Variants in TECTA observed in about 807,000 individuals in gnomAD.
TECTA encodes the protein alpha-tectorin.
Under a neutral mutation model 216.8 loss-of-function variants are expected in TECTA, and 128 were observed. The observed-to-expected ratio is 0.59, with a 90% CI of 0.51 to 0.68. The LOEUF (loss-of-function observed/expected upper bound fraction) is 0.68. Ranked by LOEUF, TECTA falls within the 30% of genes least tolerant of loss-of-function variation. The probability of loss-of-function intolerance (pLI) is 0.00; values close to 1 mark genes in which losing one functional copy is unlikely to be tolerated. For synonymous variants in TECTA, 1,089 were observed against 1,117.1 expected, an observed-to-expected ratio of 0.97 and a Z score of 0.50; for missense variants, 2,551 against 2,786.2, an observed-to-expected ratio of 0.92 and a Z score of 1.90.
In TECTA at chr11:121,190,034, G is replaced by C. The variant is rs894093344; in HGVS notation, c.6367+154G>C. 9 of 676,516 alleles carry C rather than the reference G, an allele frequency of 1.3e-5. No homozygotes were observed. The African/African-American group carries it at 1.6e-4, about 12-fold the overall frequency. 41.9% of individuals were successfully genotyped at this position (676,516 alleles called of 1,614,324 possible). A position where few individuals can be genotyped will look rare whatever the true frequency, so the allele number is the denominator to read the frequency against. ...AGGAAAGATGGGGAACATGCCCAAG[G>C]AATTCTAGGGCCATTAAACAAACAA... is the stretch of plus-strand genomic sequence containing the variant. On this transcript the variant is annotated intron_variant, in intron 23 of 23. Coordinates refer to ENST00000392793, the MANE Select transcript of TECTA (RefSeq NM_005422.4).
At position 121,138,014 on chromosome 11, in the gene TECTA, A is replaced by G; in HGVS notation, c.3535A>G (p.Thr1179Ala). ...SIVIHRAYKHTVLVNSERLYL... is the reference protein window; with the variant it reads ...SIVIHRAYKHAVLVNSERLYL... ...CGTGATCCACCGAGCTTACAAGCACACTGTGCTGGTGAGTAGTCATGAGGT... is the reference window on the plus strand; with the variant it reads ...CGTGATCCACCGAGCTTACAAGCACGCTGTGCTGGTGAGTAGTCATGAGGT... The change falls in exon 11 of 24, where the codon ACT (threonine) becomes GCT (alanine). Residue 1179 changes from threonine (T) to alanine (A), a missense_variant. Physicochemically the swap from Thr to Ala is moderately conservative, Grantham distance 58. This residue lies in a region of TECTA where 2,375 missense variants were observed against 2,563.9 expected (regional missense o/e 0.93). Coordinates refer to ENST00000392793, the MANE Select transcript of TECTA (RefSeq NM_005422.4). 5.6e-6 allele frequency: 9 copies of G among 1,613,936 alleles called. No homozygotes were observed. The highest frequency in any genetic ancestry group is 2.2e-5 in the South Asian group (2 of 91,080).
At chr11:121,180,614 A>G (rs1353938013) in intron 20 of TECTA, among the ~76,000 whole-genome samples, 3 of 152,068 alleles carry the variant, frequency 2.0e-5, no homozygotes, top group South Asian at 2.1e-4. Flanking sequence ...GGTTGAATCA[A>G]TTTGGGATCT....
chr11:121,116,264 G>A (rs750425178), intron 6 of TECTA, among the ~76,000 whole-genome samples: 3 of 152,222 alleles, frequency 2.0e-5, no homozygotes, highest in Non-Finnish European at 4.4e-5. Flanking sequence ...AGGTCTGTGA[G>A]AGATACCAAC....
chr11:121,160,326 G>C lies in TECTA; in HGVS notation c.4881G>C (p.Gly1627=). The C allele has an allele frequency of 6.2e-7, 1 of 1,614,140 alleles. No individual in the cohort carries two copies. Among genetic ancestry groups the C allele is most frequent in the Non-Finnish European group, 8.5e-7 (1 of 1,180,036 alleles). The change falls in exon 15 of 24, where the codon GGG becomes GGC. Residue 1627 remains glycine, a synonymous_variant. Transcript: ENST00000392793. The part of the protein sequence containing the change: ...KVCGLCGNFN[G]DLTDDYVTLR... ...GCGGTCTCTGTGGCAACTTCAACGG[G>C]GACCTAACAGATGATTATGTGACCT...
At position 121,173,028 on chromosome 11, in the gene TECTA, A is replaced by G. The variant is rs570210456; in HGVS notation, c.5999+4103A>G. 2.9e-3 allele frequency among the ~76,000 whole-genome samples: 433 copies of G among 150,678 alleles called. 2 individuals carry two copies. The highest frequency in any genetic ancestry group is 8.4e-3 in the African/African-American group (342 of 40,744). On this transcript the variant is annotated intron_variant, in intron 20 of 23. Transcript: ENST00000392793. ...GTTCATGTCCTTCACCCACTTTTTGATGGGGTTGTTTGTTTTTTTCTTGTA... is the reference window on the plus strand; with the variant it reads ...GTTCATGTCCTTCACCCACTTTTTGGTGGGGTTGTTTGTTTTTTTCTTGTA...
Position 121,162,231 on chromosome 11 carries a change from C to A in TECTA, c.5133C>A (p.Leu1711=), listed in dbSNP as rs1327534566. The change falls in exon 16 of 24, where the codon CTC becomes CTA. Residue 1711 remains leucine, a synonymous_variant. Transcript: ENST00000392793. ...FQPCYGLLDP[L]PFYESCYLDG... ...CCTGCTATGGGCTTCTCGATCCCCT[C>A]CCATTCTACGAGTCCTGCTACCTGG... The A allele has an allele frequency of 6.2e-7, 1 of 1,614,174 alleles. No individual in the cohort carries two copies. Among genetic ancestry groups the A allele is most frequent in the East Asian group, 2.2e-5 (1 of 44,884 alleles).
intron 20 of TECTA, among the ~76,000 whole-genome samples, chr11:121,181,415 T>C (rs1482674442): frequency 6.6e-6 from 1 of 151,512 alleles, no homozygotes; most frequent in Admixed American, 6.6e-5. Context: ...AGGTATTTCA[T>C]AGATTTCTTT....
chr11:121,174,554 G>A (rs1406398378), intron 20 of TECTA, among the ~76,000 whole-genome samples: 4 of 152,128 alleles, frequency 2.6e-5, no homozygotes, highest in African/African-American at 9.7e-5. Context: ...CTTGATCATG[G>A]TGGATAAGCT....
At position 121,162,061 on chromosome 11, in the gene TECTA, C is replaced by T. The variant is rs1264233015; in HGVS notation, c.4977-14C>T. 1.9e-6 allele frequency: 3 copies of T among 1,613,676 alleles called. No homozygotes were observed. Among genetic ancestry groups the T allele is most frequent in the Non-Finnish European group, 2.5e-6 (3 of 1,180,030 alleles). ...ATCTCAGATGGCTGTTTTTGCTTCA[C>T]TCAGTCTGACCAGACCTCTTGCCCC... is the stretch of plus-strand genomic sequence containing the variant. On this transcript the variant is annotated splice_polypyrimidine_tract_variant and intron_variant, in intron 15 of 23. Coordinates refer to ENST00000392793, the MANE Select transcript of TECTA (RefSeq NM_005422.4).
intron 11 of TECTA, among the ~76,000 whole-genome samples, chr11:121,144,067 T>C (rs1243992777): frequency 6.6e-6 from 1 of 152,128 alleles, no homozygotes. Context: ...ATGGAAAGCA[T>C]CCTTCACACT....
intron 20 of TECTA, among the ~76,000 whole-genome samples, chr11:121,173,366 A>G (rs903804004): frequency 7.0e-6 from 1 of 143,102 alleles, no homozygotes. Context: ...TAATTTTTGT[A>G]TAAGGTGTAA....
In TECTA at chr11:121,165,393, A is replaced by C; in HGVS notation, c.5383+10A>C. On this transcript the variant is annotated intron_variant, in intron 17 of 23. Coordinates refer to ENST00000392793, the MANE Select transcript of TECTA (RefSeq NM_005422.4). ...CCCCCCTATGGAAATAGTGAGTGAC[A>C]TGGGCCACCTCCCCACCCAGAAAGG... is the stretch of plus-strand genomic sequence containing the variant. 1 of 1,567,748 alleles carries C rather than the reference A, an allele frequency of 6.4e-7. No homozygotes were observed. Among genetic ancestry groups the C allele is most frequent in the Non-Finnish European group, 8.7e-7 (1 of 1,155,090 alleles).
In TECTA at chr11:121,130,170, C is replaced by T. The variant is rs199688655; in HGVS notation, c.2900C>T (p.Ala967Val). The stretch of plus-strand genomic sequence containing the variant: ...CGGTATGCAAGCGCCTGCAAGAATG[C>T]GGACGTGGAGGTGGGGCCCTGGCGG... ...VARYASACKN[A>V]DVEVGPWRTY... The change falls in exon 10 of 24, where the codon GCG becomes GTG. Residue 967 changes from alanine to valine, a missense_variant. By Grantham distance (64) the Ala-to-Val change is moderately conservative (BLOSUM62 0). Coordinates refer to ENST00000392793, the MANE Select transcript of TECTA (RefSeq NM_005422.4). 1.2e-4 allele frequency: 194 copies of T among 1,604,010 alleles called. 1 individual carries two copies. The highest frequency in any genetic ancestry group is 1.5e-4 in the Non-Finnish European group (175 of 1,179,966).
At chr11:121,140,456 CCA>C (rs1946773454) in intron 11 of TECTA, among the ~76,000 whole-genome samples, 1 of 152,220 alleles carries the variant, frequency 6.6e-6, no homozygotes, top group South Asian at 2.1e-4. Context: ...GCCTGGAGAA[CCA>C]CACAGCTGAC....
rs1591432995 is a variant in TECTA, at chr11:121,101,414, A to G, written c.-30A>G. The G allele has an allele frequency of 6.6e-6, 1 of 152,118 alleles. No individual in the cohort carries two copies. Among genetic ancestry groups the G allele is most frequent in the African/African-American group, 2.4e-5 (1 of 41,418 alleles). 9.4% of individuals were successfully genotyped at this position (152,118 alleles called of 1,614,324 possible). ...ACCAAGATTTGGCTTAATATTTCTG[A>G]CTCAGTTCCTCCAGCCTCTACAGAA... is the stretch of plus-strand genomic sequence containing the variant. On this transcript the variant is annotated 5_prime_UTR_variant, in exon 1 of 24. Transcript: ENST00000392793.
At chr11:121,185,292 T>C (rs1270846612) in intron 20 of TECTA, among the ~76,000 whole-genome samples, 1 of 152,016 alleles carries the variant, frequency 6.6e-6, no homozygotes, top group Admixed American at 6.6e-5. Context: ...GCTTAATGAA[T>C]GAGTAGGGAA....
At position 121,166,578 on chromosome 11, in the gene TECTA, A is replaced by C; in HGVS notation, c.5384A>C (p.Asn1795Thr). 1 of 1,614,138 alleles carries C rather than the reference A, an allele frequency of 6.2e-7. No individual in the cohort carries two copies. The highest frequency in any genetic ancestry group is 1.7e-5 in the Admixed American group (1 of 60,024). Residue 1795 changes from asparagine to threonine, a missense_variant and splice_region_variant, in exon 18 of 24, where the codon AAC becomes ACC. Asn to Thr is a moderately conservative substitution (Grantham distance 65). Around this residue, in one of 3 missense-constraint regions of TECTA, gnomAD observed 2,375 missense variants for 2,563.9 expected, o/e 0.93. Transcript: ENST00000392793. ...GCIEPPPYGN[N>T]SHDIIDAEVT... ...CCTTTCGTAATAACTGTTCCCACAG[A>C]CTCACATGACATTATCGATGCAGAG...
At chr11:121,156,201 G>T (rs1021432822) in intron 13 of TECTA, among the ~76,000 whole-genome samples, 3 of 152,048 alleles carry the variant, frequency 2.0e-5, no homozygotes, top group African/African-American at 7.3e-5. Context: ...CTGAGACAGG[G>T]TCTCACTCTG....
chr11:121,134,062 T>C (rs574070925), intron 10 of TECTA, among the ~76,000 whole-genome samples: 8 of 152,254 alleles, frequency 5.3e-5, no homozygotes, highest in African/African-American at 1.9e-4. Flanking sequence ...GCCTGTAGGA[T>C]CTCCTTCAAG....
Sources: gnomAD v4.1 joint callset for allele counts (sites outside exome capture counted in the v4.1 genomes callset) on GRCh38, gnomAD v4.1.1 for gene constraint, gnomAD v4.1.1 regional missense constraint, MANE v1.5 for transcripts, NCBI Gene and HGNC (gene_info 2026-07-23, HGNC 2026-07-21) for gene names.